Variants in CLIC4 observed in about 807,000 individuals in gnomAD.
CLIC4 encodes the protein CLIC family member 4.
Under a neutral mutation model 24.6 loss-of-function variants are expected in CLIC4, and 13 were observed. That is an observed-to-expected ratio of 0.53 (90% confidence interval 0.34 to 0.84). CLIC4 has a LOEUF of 0.84. Among genes scored for constraint, CLIC4 ranks in the 40% least tolerant of loss-of-function variants. The pLI is 0.01. For missense variants in CLIC4, 227 were observed against 301.7 expected (o/e 0.75, Z 1.83); for synonymous variants, 104 against 111.3 (o/e 0.93, Z 0.41).
chr1:24,830,608 A>C (rs1639830596), intron 4 of CLIC4, among the ~76,000 whole-genome samples: 1 of 152,336 alleles, frequency 6.6e-6, no homozygotes, highest in Middle Eastern at 3.4e-3. Context: ...TCCCACAAAC[A>C]TGAAAGTATT....
At chr1:24,789,973 G>A (rs964578095) in intron 1 of CLIC4, among the ~76,000 whole-genome samples, 2 of 152,174 alleles carry the variant, frequency 1.3e-5, no homozygotes, top group African/African-American at 2.4e-5. Context: ...TGACATTTCT[G>A]TGGAGGGAAA....
At chr1:24,777,661 A>C (rs989293035) in intron 1 of CLIC4, among the ~76,000 whole-genome samples, 1 of 152,170 alleles carries the variant, frequency 6.6e-6, no homozygotes, top group Admixed American at 6.5e-5. Flanking sequence ...CTGTCAATAC[A>C]ATTGTCGCTA....
intron 1 of CLIC4, among the ~76,000 whole-genome samples, chr1:24,795,142 C>A (rs1639383418): frequency 6.6e-6 from 1 of 151,994 alleles, no homozygotes; most frequent in Non-Finnish European, 1.5e-5. Context: ...CATGAGTTTA[C>A]CTGTATAACA....
chr1:24,770,732 CT>C (rs199502690), intron 1 of CLIC4, among the ~76,000 whole-genome samples: 4 of 106,334 alleles, frequency 3.8e-5, no homozygotes, highest in African/African-American at 6.2e-5. Context: ...AATTCTTCTT[CT>C]TTTTTTTTTG....
intron 2 of CLIC4, among the ~76,000 whole-genome samples, chr1:24,810,383 C>G (rs750277277): frequency 6.6e-6 from 1 of 152,142 alleles, no homozygotes; most frequent in Non-Finnish European, 1.5e-5. Flanking sequence ...TGTCCCAAAT[C>G]CAGAATTTAG....
chr1:24,763,148 C>A (rs529680224), intron 1 of CLIC4, among the ~76,000 whole-genome samples: 1 of 151,988 alleles, frequency 6.6e-6, no homozygotes, highest in Non-Finnish European at 1.5e-5. Context: ...CCAGACTGTC[C>A]AACACTATGT....
At chr1:24,756,991 G>T (rs1638860898) in intron 1 of CLIC4, among the ~76,000 whole-genome samples, 1 of 152,054 alleles carries the variant, frequency 6.6e-6, no homozygotes. Flanking sequence ...CGCCTCCTAG[G>T]TTCAAGCAAT....
At chr1:24,780,353 C>A (rs1375573675) in intron 1 of CLIC4, among the ~76,000 whole-genome samples, 1 of 152,146 alleles carries the variant, frequency 6.6e-6, no homozygotes, top group Non-Finnish European at 1.5e-5. Context: ...TTTTTTTCGA[C>A]ATAGTAGGTA....
rs763326095 is a variant in CLIC4 at position 24,745,643 on chromosome 1, G to T, written c.72+18G>T. On this transcript the variant is annotated intron_variant, in intron 1 of 5. Coordinates refer to ENST00000374379, the MANE Select transcript of CLIC4 (RefSeq NM_013943.3). The stretch of plus-strand genomic sequence containing the variant: ...TCGTCAAGGTGAGCGCTCGCCTCGC[G>T]GTCCCGCCCGGCAGATCCCCCGGCT... 2.0e-6 allele frequency: 3 copies of T among 1,532,716 alleles called. No individual in the cohort carries two copies. The highest frequency in any genetic ancestry group is 1.2e-5 in the South Asian group (1 of 81,894). 94.9% of individuals were successfully genotyped at this position (1,532,716 alleles called of 1,614,324 possible).
intron 4 of CLIC4, among the ~76,000 whole-genome samples, chr1:24,829,217 A>G (rs1466564693): frequency 6.6e-6 from 1 of 152,184 alleles, no homozygotes; most frequent in Non-Finnish European, 1.5e-5. Flanking sequence ...TCAAAATCCA[A>G]TATGTTTGGA....
At chr1:24,766,806 A>C (rs1639005126) in intron 1 of CLIC4, among the ~76,000 whole-genome samples, 1 of 151,702 alleles carries the variant, frequency 6.6e-6, no homozygotes. Context: ...ACGCCTAGCC[A>C]GTATTTCTGT....
chr1:24,827,608 G>A (rs992588411), intron 4 of CLIC4, among the ~76,000 whole-genome samples: 1 of 147,970 alleles, frequency 6.8e-6, no homozygotes, highest in African/African-American at 2.5e-5. Flanking sequence ...TTACCCTTGA[G>A]CAATGTTTGG....
intron 1 of CLIC4, among the ~76,000 whole-genome samples, chr1:24,764,658 GAAAA>G (rs112004538): frequency 1.7e-4 from 25 of 142,932 alleles, no homozygotes; most frequent in Admixed American, 1.7e-3. Flanking sequence ...TATCTCAAGG[GAAAA>G]AAAAAAAAAT....
intron 2 of CLIC4, among the ~76,000 whole-genome samples, chr1:24,801,477 TCAC>T (rs1359763649): frequency 2.0e-5 from 3 of 152,196 alleles, no homozygotes; most frequent in Non-Finnish European, 4.4e-5. Context: ...TGTGATCCAG[TCAC>T]CTCCCACAAG....
intron 1 of CLIC4, among the ~76,000 whole-genome samples, chr1:24,746,250 C>T (rs1638696361): frequency 6.6e-6 from 1 of 152,206 alleles, no homozygotes; most frequent in Non-Finnish European, 1.5e-5. Flanking sequence ...CATTTACTGG[C>T]TTTCTCGTTT....
chr1:24,820,166 C>T (rs1371391220), intron 3 of CLIC4, among the ~76,000 whole-genome samples: 7 of 142,098 alleles, frequency 4.9e-5, no homozygotes, highest in Non-Finnish European at 9.2e-5. Context: ...CAACCTTGAA[C>T]TCCTAGCCTC....
intron 2 of CLIC4, among the ~76,000 whole-genome samples, chr1:24,804,567 G>T (rs1314168386): frequency 7.1e-6 from 1 of 139,876 alleles, no homozygotes; most frequent in Non-Finnish European, 1.6e-5. Flanking sequence ...ATGTGTGTAC[G>T]TGGGTGGGTG....
At chr1:24,796,632 T>C (rs1379439503) in intron 1 of CLIC4, among the ~76,000 whole-genome samples, 1 of 152,234 alleles carries the variant, frequency 6.6e-6, no homozygotes, top group East Asian at 1.9e-4. Context: ...GGCTATACCA[T>C]GTAGACTAGG....
chr1:24,840,426 G>T (rs1639931197), intron 5 of CLIC4, among the ~76,000 whole-genome samples: 1 of 152,120 alleles, frequency 6.6e-6, no homozygotes, highest in Non-Finnish European at 1.5e-5. Flanking sequence ...TTGTTAAATA[G>T]AATAATAATA....
Sources: gnomAD v4.1 joint callset for allele counts (sites outside exome capture counted in the v4.1 genomes callset) on GRCh38, gnomAD v4.1.1 for gene constraint, MANE v1.5 for transcripts, NCBI Gene and HGNC (gene_info 2026-07-23, HGNC 2026-07-21) for gene names.